MAGI2: variants seen among roughly 807,000 people sequenced by gnomAD.
The protein encoded by MAGI2 is membrane associated guanylate kinase, WW and PDZ domain containing 2.
Under a neutral mutation model 133.3 loss-of-function variants are expected in MAGI2, and 35 were observed. That is an observed-to-expected ratio of 0.26 (90% confidence interval 0.20 to 0.35). The LOEUF (loss-of-function observed/expected upper bound fraction) is 0.35, where lower values mean the gene tolerates loss of function less well. Among genes scored for constraint, MAGI2 ranks in the 10% least tolerant of loss-of-function variants. The probability of loss-of-function intolerance (pLI) is 1.00; values close to 1 mark genes in which losing one functional copy is unlikely to be tolerated. For synonymous variants in MAGI2, 729 were observed against 710.6 expected, an observed-to-expected ratio of 1.03 and a Z score of -0.41; for missense variants, 1,636 against 1,863.4, an observed-to-expected ratio of 0.88 and a Z score of 2.25.
In MAGI2 at chr7:79,140,889, C is replaced by T. The variant is rs79514967; in HGVS notation, c.302-133683G>A. Among the ~76,000 whole-genome samples, 1,362 of 152,114 alleles carry T rather than the reference C, an allele frequency of 9.0e-3. 22 individuals carry two copies. Among genetic ancestry groups the T allele is most frequent in the African/African-American group, 0.029 (1,224 of 41,494 alleles). On this transcript the variant is annotated intron_variant, in intron 1 of 21. Transcript: ENST00000354212. ...AAATTGTTTCCTTTATTGTTTTTGG[C>T]AATAGCAACATTGTTAAGAATATTA...
chr7:78,421,909 T>TTTA (rs1435524826), intron 6 of MAGI2, among the ~76,000 whole-genome samples: 1 of 152,262 alleles, frequency 6.6e-6, no homozygotes. Context: ...ATAAATGGAT[T>TTTA]TGTGTGGAAA....
At chr7:78,778,905 T>TG (rs1826185298) in intron 2 of MAGI2, among the ~76,000 whole-genome samples, 1 of 64,696 alleles carries the variant, frequency 1.5e-5, no homozygotes. Flanking sequence ...CTTTTCAGCC[T>TG]TTTTTTTTTT....
At chr7:78,612,661 C>T (rs1806582100) in intron 3 of MAGI2, among the ~76,000 whole-genome samples, 1 of 151,882 alleles carries the variant, frequency 6.6e-6, no homozygotes, top group South Asian at 2.1e-4. Context: ...AGGAAAATCA[C>T]ATTTTATTTT....
intron 2 of MAGI2, among the ~76,000 whole-genome samples, chr7:78,744,708 T>G (rs964322814): frequency 6.6e-6 from 1 of 152,204 alleles, no homozygotes; most frequent in African/African-American, 2.4e-5. Context: ...TGGATTAATA[T>G]CACAGTATGC....
rs140154317 is a variant in MAGI2, at chr7:79,097,938, A to G, written c.302-90732T>C. On this transcript the variant is annotated intron_variant, in intron 1 of 21. Transcript: ENST00000354212. ...GGAGTTCGAGACCAGCCTGACCAAC[A>G]TTGTGAAACCCCATCTCTACCAAAA... 5.0e-3 allele frequency among the ~76,000 whole-genome samples: 757 copies of G among 152,264 alleles called. 10 individuals carry two copies. The highest frequency in any genetic ancestry group is 0.017 in the African/African-American group (726 of 41,554).
chr7:78,752,356 A>G (rs1280653788), intron 2 of MAGI2, among the ~76,000 whole-genome samples: 1 of 152,184 alleles, frequency 6.6e-6, no homozygotes, highest in East Asian at 1.9e-4. Context: ...TAATCCCAGC[A>G]CTTTGGGAGG....
In MAGI2 at chr7:78,256,591, A is replaced by G; in HGVS notation, c.1409-10T>C. On this transcript the variant is annotated splice_polypyrimidine_tract_variant and intron_variant, in intron 9 of 21. Transcript: ENST00000354212. Reference sequence around the variant, plus strand: ...TAGACAATGACATCACCTGTAAGAAAAAAAGAGATTGACAACATGAGGTAA... The same window carrying G: ...TAGACAATGACATCACCTGTAAGAAGAAAAGAGATTGACAACATGAGGTAA... 1 of 1,603,286 alleles carries G rather than the reference A, an allele frequency of 6.2e-7. No individual in the cohort carries two copies. Among genetic ancestry groups the G allele is most frequent in the Non-Finnish European group, 8.5e-7 (1 of 1,176,372 alleles).
In MAGI2 at chr7:78,654,741, A is replaced by C. The variant is rs1304845850; in HGVS notation, c.419-27502T>G. Among the ~76,000 whole-genome samples, 14 of 64,188 alleles carry C rather than the reference A, an allele frequency of 2.2e-4. 1 individual carries two copies. Among genetic ancestry groups the C allele is most frequent in the Admixed American group, 9.5e-4 (6 of 6,292 alleles). The allele number at this position is 64,188 out of a possible 152,430, so 42.1% of individuals were successfully genotyped here. A position where few individuals can be genotyped will look rare whatever the true frequency, so the allele number is the denominator to read the frequency against. ...TATATATATATATATATATATATAT[A>C]TATATATAGCATATATTTTGCATCG... is the stretch of plus-strand genomic sequence containing the variant. On this transcript the variant is annotated intron_variant, in intron 2 of 21. Transcript: ENST00000354212.
intron 2 of MAGI2, among the ~76,000 whole-genome samples, chr7:78,662,863 A>G (rs1375221190): frequency 2.0e-5 from 3 of 152,318 alleles, no homozygotes; most frequent in East Asian, 1.9e-4. Flanking sequence ...GTTTAATAAT[A>G]ATAAATGCTG....
At chr7:78,910,921 T>C (rs1332526183) in intron 2 of MAGI2, among the ~76,000 whole-genome samples, 2 of 152,342 alleles carry the variant, frequency 1.3e-5, no homozygotes, top group South Asian at 2.1e-4. Context: ...CTTTGCTACA[T>C]ACACACATTT....
Position 79,368,876 on chromosome 7 carries a change from AG to A in MAGI2, c.301+84143del, listed in dbSNP as rs1842895242. On this transcript the variant is annotated intron_variant, in intron 1 of 21. Transcript: ENST00000354212. The stretch of plus-strand genomic sequence containing the variant: ...AAAAAAAAAAAAAAAAAAAAAAAAA[AG>A]TCTATTGTAAAATCTATTAGTCACC... 2.7e-5 allele frequency among the ~76,000 whole-genome samples: 4 copies of A among 147,364 alleles called. No individual in the cohort carries two copies. In the Admixed American group the frequency reaches 2.7e-4, roughly 10 times the overall value.
intron 1 of MAGI2, among the ~76,000 whole-genome samples, chr7:79,218,465 C>T (rs1221886241): frequency 6.6e-6 from 1 of 152,020 alleles, no homozygotes; most frequent in Non-Finnish European, 1.5e-5. Context: ...GGCTCTGTTA[C>T]TTTCTCTATA....
At chr7:79,268,757 G>C (rs1834656365) in intron 1 of MAGI2, among the ~76,000 whole-genome samples, 1 of 152,094 alleles carries the variant, frequency 6.6e-6, no homozygotes, top group Non-Finnish European at 1.5e-5. Context: ...GTTTAGATCT[G>C]ACAGAAGATT....
At chr7:78,758,837 C>A (rs1207900345) in intron 2 of MAGI2, among the ~76,000 whole-genome samples, 1 of 152,170 alleles carries the variant, frequency 6.6e-6, no homozygotes. Flanking sequence ...TATGTAGGTT[C>A]CTCCACACCT....
intron 1 of MAGI2, among the ~76,000 whole-genome samples, chr7:79,274,433 G>A (rs1325151093): frequency 6.6e-6 from 1 of 151,892 alleles, no homozygotes; most frequent in Non-Finnish European, 1.5e-5. Flanking sequence ...ATTAGATCAT[G>A]GAACAACATC....
rs1170212014 is a variant in MAGI2 at position 79,383,817 on chromosome 7, G to A, written c.301+69203C>T. The stretch of plus-strand genomic sequence containing the variant: ...CAAAGGAGGAACACAAGGATACTTC[G>A]CTAACATGATACAGCAACCCGAAAG... On this transcript the variant is annotated intron_variant, in intron 1 of 21. Transcript: ENST00000354212. Among the ~76,000 whole-genome samples the A allele has an allele frequency of 4.6e-5, 7 of 151,368 alleles. No homozygotes were observed. The South Asian group carries it at 1.2e-3, about 27-fold the overall frequency.
intron 1 of MAGI2, among the ~76,000 whole-genome samples, chr7:79,342,925 A>AT (rs1841010852): frequency 6.6e-6 from 1 of 151,464 alleles, no homozygotes; most frequent in South Asian, 2.1e-4. Flanking sequence ...ATGCCTGGCT[A>AT]TTTTTTTGTA....
At chr7:78,209,789 C>A (rs2049433) in intron 10 of MAGI2, among the ~76,000 whole-genome samples, 2 of 152,058 alleles carry the variant, frequency 1.3e-5, no homozygotes, top group African/African-American at 4.8e-5. Flanking sequence ...ACAGTTGAGA[C>A]GAAACGCAAA....
intron 1 of MAGI2, among the ~76,000 whole-genome samples, chr7:79,028,235 G>GTATATATATATATATATATATATA (rs1174096501): frequency 6.8e-5 from 2 of 29,328 alleles, no homozygotes; most frequent in Non-Finnish European, 1.6e-4. Flanking sequence ...ATATATGTAT[G>GTATATATATATATATATATATATA]TATATATATA....
Sources: allele counts gnomAD v4.1 joint callset (sites outside exome capture counted in the v4.1 genomes callset), GRCh38; gene constraint gnomAD v4.1.1; transcripts MANE v1.5; gene names NCBI Gene and HGNC (gene_info 2026-07-23, HGNC 2026-07-21).